The following MARCHF1 variants were observed in gnomAD, a reference collection of about 807,000 sequenced individuals.
The protein encoded by MARCHF1 is membrane associated ring-CH-type finger 1.
MARCHF1 carries 40 observed loss-of-function variants against 54.2 expected under a neutral mutation model. That is an observed-to-expected ratio of 0.74 (90% CI 0.57 to 0.96). The LOEUF is 0.96. Ranked by LOEUF, MARCHF1 falls within the 40% of genes least tolerant of loss-of-function variation. MARCHF1 has a pLI of 0.00. For missense variants in MARCHF1, 586 were observed against 656.5 expected (o/e 0.89, Z 1.17); for synonymous variants, 236 against 236.3 (o/e 1.00, Z 0.01).
intron 4 of MARCHF1, among the ~76,000 whole-genome samples, chr4:163,798,684 G>A (rs538599652): frequency 3.9e-5 from 6 of 151,922 alleles, no homozygotes; most frequent in Non-Finnish European, 5.9e-5. Flanking sequence ...GTTGAAAATA[G>A]AAGTAAAAGT....
At chr4:163,994,873 T>C (rs1753043571) in intron 2 of MARCHF1, among the ~76,000 whole-genome samples, 1 of 151,996 alleles carries the variant, frequency 6.6e-6, no homozygotes. Context: ...ATTATTTTTA[T>C]GCCTTGTAAT....
rs559295765 is a variant in MARCHF1 at position 164,220,667 on chromosome 4, C to CTA, written c.-322-109007_-322-109006dup. Among the ~76,000 whole-genome samples the CTA allele has an allele frequency of 3.4e-3, 456 of 134,246 alleles. 4 individuals are homozygous for CTA. The highest frequency in any genetic ancestry group is 0.011 in the African/African-American group (391 of 34,794). The allele number at this position is 134,246 out of a possible 152,430, so 88.1% of individuals were successfully genotyped here. On this transcript the variant is annotated intron_variant, in intron 1 of 9. Transcript: ENST00000514618. ...TATATGCATATATGTAATATATATG[C>CTA]TATATGTATATATGTAATATATATG...
chr4:164,019,323 G>A (rs1179560359), intron 2 of MARCHF1, among the ~76,000 whole-genome samples: 5 of 152,204 alleles, frequency 3.3e-5, no homozygotes, highest in Non-Finnish European at 2.9e-5. Flanking sequence ...TAAGTGTCTC[G>A]CTATCCCTTT....
intron 1 of MARCHF1, among the ~76,000 whole-genome samples, chr4:164,295,442 AC>A (rs1344760575): frequency 2.5e-5 from 2 of 80,184 alleles, no homozygotes; most frequent in Non-Finnish European, 6.9e-5. Context: ...ACACACATAC[AC>A]ACAAACACAC....
intron 4 of MARCHF1, among the ~76,000 whole-genome samples, chr4:163,852,061 T>G (rs192382984): frequency 7.2e-5 from 11 of 152,310 alleles, no homozygotes; most frequent in African/African-American, 2.2e-4. Flanking sequence ...TTAATTCCAT[T>G]GGTAACTTGA....
rs149303967 is a variant in MARCHF1, at chr4:163,950,700, C to T, written c.-39+37801G>A. On this transcript the variant is annotated intron_variant, in intron 3 of 9. Transcript: ENST00000514618. ...GGCAGCGGCTGCTCCAGATAGGCTA[C>T]TACCTGTGATACTATAAAGTTCTGA... Among the ~76,000 whole-genome samples, 83 of 152,346 alleles carry T rather than the reference C, an allele frequency of 5.4e-4. No individual in the cohort carries two copies. In the East Asian group the frequency reaches 0.012, roughly 21 times the overall value.
At chr4:164,096,558 T>C (rs1305969733) in intron 2 of MARCHF1, among the ~76,000 whole-genome samples, 1 of 142,388 alleles carries the variant, frequency 7.0e-6, no homozygotes, top group Non-Finnish European at 1.5e-5. Context: ...ATGTATTTCC[T>C]GTATCTAAAA....
At chr4:163,805,193 C>T (rs1434659482) in intron 4 of MARCHF1, among the ~76,000 whole-genome samples, 15 of 152,116 alleles carry the variant, frequency 9.9e-5, no homozygotes, top group Admixed American at 9.8e-4. Flanking sequence ...ATTAAGAGCC[C>T]TATACCTACC....
At chr4:164,229,332 A>T (rs1242389700) in intron 1 of MARCHF1, among the ~76,000 whole-genome samples, 1 of 152,170 alleles carries the variant, frequency 6.6e-6, no homozygotes, top group Admixed American at 6.6e-5. Flanking sequence ...CTCTCTTTGG[A>T]TCACTCATTC....
chr4:164,328,018 T>C (rs1197673184), intron 1 of MARCHF1, among the ~76,000 whole-genome samples: 1 of 152,144 alleles, frequency 6.6e-6, no homozygotes, highest in Non-Finnish European at 1.5e-5. Flanking sequence ...CAAAACCGTG[T>C]GCCATCAGAA....
Position 164,068,085 on chromosome 4 carries a change from G to A in MARCHF1, c.-248+43503C>T, listed in dbSNP as rs192162876. Among the ~76,000 whole-genome samples the A allele has an allele frequency of 2.1e-3, 320 of 152,320 alleles. 1 individual carries two copies. Among genetic ancestry groups the A allele is most frequent in the African/African-American group, 7.5e-3 (312 of 41,580 alleles). ...TAAAAAAATAACAGATGCTAGTGAC[G>A]TTGTGGAGAAGAGGGAACACTTATA... is the stretch of plus-strand genomic sequence containing the variant. On this transcript the variant is annotated intron_variant, in intron 2 of 9. Transcript: ENST00000514618.
intron 8 of MARCHF1, among the ~76,000 whole-genome samples, chr4:163,572,042 C>A (rs192780964): frequency 1.4e-4 from 21 of 152,146 alleles, no homozygotes; most frequent in Non-Finnish European, 7.4e-5. Flanking sequence ...CTATTTTCTT[C>A]CCTGTTCTAA....
Position 163,578,834 on chromosome 4 carries a change from C to T in MARCHF1, c.1191+6915G>A, listed in dbSNP as rs551312319. On this transcript the variant is annotated intron_variant, in intron 8 of 9. Transcript: ENST00000514618. ...GGGTTTTATTCTATCTTGTTCACTA[C>T]TGCACATGACTGGTATATGGTATAT... Among the ~76,000 whole-genome samples, 15 of 152,230 alleles carry T rather than the reference C, an allele frequency of 9.9e-5. 1 individual carries two copies. In the South Asian group the frequency reaches 2.3e-3, roughly 23 times the overall value.
At chr4:163,642,879 A>T (rs1742602262) in intron 5 of MARCHF1, among the ~76,000 whole-genome samples, 1 of 152,182 alleles carries the variant, frequency 6.6e-6, no homozygotes, top group Non-Finnish European at 1.5e-5. Context: ...AGATTAAAAT[A>T]AGAAAATAGA....
At chr4:163,590,057 G>GGGGTGTGTGTGTGTGT (rs373502941) in intron 7 of MARCHF1, among the ~76,000 whole-genome samples, 1 of 146,168 alleles carries the variant, frequency 6.8e-6, no homozygotes, top group African/African-American at 2.5e-5. Context: ...TTTAGATTTT[G>GGGGTGTGTGTGTGTGT]GTGTGTGTGT....
intron 4 of MARCHF1, among the ~76,000 whole-genome samples, chr4:163,845,716 A>C (rs1256684287): frequency 6.6e-6 from 1 of 152,184 alleles, no homozygotes; most frequent in East Asian, 1.9e-4. Flanking sequence ...AGCTGTGAAC[A>C]TGATCTCATG....
intron 1 of MARCHF1, among the ~76,000 whole-genome samples, chr4:164,321,886 T>C (rs1246950833): frequency 6.6e-6 from 1 of 152,230 alleles, no homozygotes; most frequent in African/African-American, 2.4e-5. Flanking sequence ...TAATACCTAC[T>C]GTGGATTCTA....
intron 1 of MARCHF1, among the ~76,000 whole-genome samples, chr4:164,366,801 A>G (rs948320950): frequency 8.6e-5 from 13 of 151,884 alleles, no homozygotes; most frequent in African/African-American, 2.9e-4. Context: ...ATGTTTATTT[A>G]TATGTACCTG....
intron 1 of MARCHF1, among the ~76,000 whole-genome samples, chr4:164,114,562 T>A (rs1234603432): frequency 6.6e-6 from 1 of 151,656 alleles, no homozygotes. Context: ...AAATGCTGTG[T>A]TAAAATTTGC....
Sources: gnomAD v4.1 joint callset for allele counts (sites outside exome capture counted in the v4.1 genomes callset) on GRCh38, gnomAD v4.1.1 for gene constraint, MANE v1.5 for transcripts, NCBI Gene and HGNC (gene_info 2026-07-23, HGNC 2026-07-21) for gene names.